GLYR1: variants seen among roughly 807,000 people sequenced by gnomAD.
GLYR1 encodes glyoxylate reductase 1 homolog.
In GLYR1, 21 loss-of-function variants were observed where a neutral mutation model predicts 72.7. That is an observed-to-expected ratio of 0.29 (90% confidence interval 0.20 to 0.42). The LOEUF (loss-of-function observed/expected upper bound fraction) is 0.42. Among genes scored for constraint, GLYR1 ranks in the 10% least tolerant of loss-of-function variants. The pLI is 1.00. For synonymous variants in GLYR1, 392 were observed against 270.2 expected, an observed-to-expected ratio of 1.45 and a Z score of -4.42; for missense variants, 594 against 712.1, an observed-to-expected ratio of 0.83 and a Z score of 1.89.
chr16:4,841,628 A>T (rs1309810416), intron 3 of GLYR1, among the ~76,000 whole-genome samples: 1 of 148,554 alleles, frequency 6.7e-6, no homozygotes, highest in Admixed American at 6.9e-5. Context: ...CCTTTCTCAA[A>T]AAAAAATCAA....
chr16:4,829,386 G>GC (rs1447554881), intron 5 of GLYR1, among the ~76,000 whole-genome samples: 1 of 150,072 alleles, frequency 6.7e-6, no homozygotes, highest in African/African-American at 2.5e-5. Flanking sequence ...GGTCACTACA[G>GC]CCTTGACCTC....
chr16:4,843,948 T>C (rs183702233), intron 3 of GLYR1: 2,047 of 182,436 alleles, frequency 0.011, 22 homozygotes, highest in Middle Eastern at 0.027. Flanking sequence ...CCGTCTCTAC[T>C]AAAAAATATA....
chr16:4,845,568 T>G (rs1379887328), intron 2 of GLYR1, among the ~76,000 whole-genome samples: 2 of 151,990 alleles, frequency 1.3e-5, no homozygotes, highest in Non-Finnish European at 2.9e-5. Flanking sequence ...ATACTTCCTG[T>G]GCAGGAAGGG....
chr16:4,838,823 G>A (rs953038947), intron 3 of GLYR1, among the ~76,000 whole-genome samples: 4 of 152,020 alleles, frequency 2.6e-5, no homozygotes, highest in Middle Eastern at 3.2e-3. Flanking sequence ...TCCTGACCTC[G>A]TGATCCGCCT....
At chr16:4,810,051 C>T (rs1256914186) in intron 15 of GLYR1, among the ~76,000 whole-genome samples, 1 of 151,946 alleles carries the variant, frequency 6.6e-6, no homozygotes, top group Non-Finnish European at 1.5e-5. Flanking sequence ...AACCCAAACA[C>T]TAGATAAACT....
Position 4,804,933 on chromosome 16 carries a change from CTGTGTGTGTGTG to C in GLYR1, c.*291_*302del, listed in dbSNP as rs143624351. ...GCAGCTTCTATCCTGGGGCGAGAGC[CTGTGTGTGTGTG>C]TGTGTGTGTGTGTGTGTGTGTGTGT... On this transcript the variant is annotated 3_prime_UTR_variant, in exon 16 of 16. Transcript: ENST00000321919. 8.3e-4 allele frequency: 247 copies of C among 297,488 alleles called. 1 individual carries two copies. The highest frequency in any genetic ancestry group is 1.5e-3 in the South Asian group (20 of 13,736). The allele number at this position is 297,488 out of a possible 1,614,324, so 18.4% of individuals were successfully genotyped here. A position where few individuals can be genotyped will look rare whatever the true frequency, so the allele number is the denominator to read the frequency against.
At position 4,804,932 on chromosome 16, in the gene GLYR1, C is replaced by CGTGTGTGTGTGTGTGTGTGTGTGTGT. The variant is rs1421648852; in HGVS notation, c.*303_*304insACACACACACACACACACACACACAC. On this transcript the variant is annotated 3_prime_UTR_variant, in exon 16 of 16. Transcript: ENST00000321919. ...GGCAGCTTCTATCCTGGGGCGAGAG[C>CGTGTGTGTGTGTGTGTGTGTGTGTGT]CTGTGTGTGTGTGTGTGTGTGTGTG... 3.1e-5 allele frequency: 9 copies of CGTGTGTGTGTGTGTGTGTGTGTGTGT among 291,812 alleles called. No homozygotes were observed. Among genetic ancestry groups the CGTGTGTGTGTGTGTGTGTGTGTGTGT allele is most frequent in the Non-Finnish European group, 3.8e-5 (6 of 157,858 alleles). 18.1% of individuals were successfully genotyped at this position (291,812 alleles called of 1,614,324 possible).
chr16:4,815,665 C>T (rs1465730463), intron 10 of GLYR1, among the ~76,000 whole-genome samples: 1 of 152,210 alleles, frequency 6.6e-6, no homozygotes, highest in African/African-American at 2.4e-5. Context: ...TAAAGATCAC[C>T]AGCAAGCTCT....
chr16:4,813,984 A>T (rs1015876019), intron 11 of GLYR1, 146 bp from the exon 12 acceptor site: 1 of 578,820 alleles, frequency 1.7e-6, no homozygotes, highest in African/African-American at 1.9e-5. Flanking sequence ...TGAAATAAGC[A>T]AGGGATAGAA....
At chr16:4,807,007 C>A (rs896647173) in intron 15 of GLYR1, among the ~76,000 whole-genome samples, 21 of 151,702 alleles carry the variant, frequency 1.4e-4, no homozygotes, top group African/African-American at 4.8e-4. Flanking sequence ...AGGGTTTCAC[C>A]CTGTTAGCCA....
In GLYR1 at chr16:4,835,659, C is replaced by G. The variant is rs151315224; in HGVS notation, c.156-2747G>C. ...CAGCCTGGCCAACATGGTGAAATCT[C>G]GTCTCTACTGAAAATATAAAAATTA... On this transcript the variant is annotated intron_variant, in intron 3 of 15. Coordinates refer to ENST00000321919, the MANE Select transcript of GLYR1 (RefSeq NM_032569.4). Among the ~76,000 whole-genome samples, 55 of 152,228 alleles carry G rather than the reference C, an allele frequency of 3.6e-4. No individual in the cohort carries two copies. In the East Asian group the frequency reaches 0.01, roughly 28 times the overall value.
At chr16:4,839,579 CGTGGGCAGTTTT>C (rs1444424232) in intron 3 of GLYR1, 6 of 152,090 alleles carry the variant, frequency 3.9e-5, no homozygotes, top group African/African-American at 1.4e-4. Flanking sequence ...ACAAAAATTA[CGTGGGCAGTTTT>C]GTCTTGGCCA....
At position 4,824,003 on chromosome 16, in the gene GLYR1, C is replaced by T. The variant is rs1596347729; in HGVS notation, c.538-96G>A. ...GTCTAAGGGAAAGTTCAAGCCAATC[C>T]CCAACCACTGTTCTGATGACCGTCC... On this transcript the variant is annotated intron_variant, in intron 5 of 15. Transcript: ENST00000321919. The T allele has an allele frequency of 2.1e-5, 19 of 921,694 alleles. No individual in the cohort carries two copies. In the South Asian group the frequency reaches 2.1e-4, roughly 10 times the overall value. 57.1% of individuals were successfully genotyped at this position (921,694 alleles called of 1,614,324 possible). A position where few individuals can be genotyped will look rare whatever the true frequency, so the allele number is the denominator to read the frequency against.
chr16:4,818,907 T>C (rs1423814963), intron 9 of GLYR1, among the ~76,000 whole-genome samples: 1 of 152,062 alleles, frequency 6.6e-6, no homozygotes, highest in South Asian at 2.1e-4. Flanking sequence ...TTCCCAATCC[T>C]TGTGACAGAA....
At chr16:4,805,428 C>G (rs996652634) in intron 15 of GLYR1, 118 bp from the exon 16 acceptor site, 1 of 813,408 alleles carries the variant, frequency 1.2e-6, no homozygotes. Context: ...CCAGGCTGTC[C>G]GGTTAGGAAT....
intron 5 of GLYR1, among the ~76,000 whole-genome samples, chr16:4,830,263 C>T (rs1243066468): frequency 1.5e-5 from 2 of 136,864 alleles, no homozygotes; most frequent in African/African-American, 5.5e-5. Context: ...TCTTACTATG[C>T]TTCTCAGCCT....
Position 4,805,092 on chromosome 16 carries a change from T to G in GLYR1, c.*144A>C. 2 of 706,632 alleles carry G rather than the reference T, an allele frequency of 2.8e-6. No homozygotes were observed. Among genetic ancestry groups the G allele is most frequent in the Admixed American group, 4.1e-5 (2 of 48,296 alleles). 43.8% of individuals were successfully genotyped at this position (706,632 alleles called of 1,614,324 possible). A position where few individuals can be genotyped will look rare whatever the true frequency, so the allele number is the denominator to read the frequency against. On this transcript the variant is annotated 3_prime_UTR_variant, in exon 16 of 16. Transcript: ENST00000321919. ...AGGGGAAGGGTGCTGCTGTGTGCTG[T>G]GCTGATGGCAAGTCTCAAAGTCTGT...
intron 12 of GLYR1, among the ~76,000 whole-genome samples, chr16:4,812,495 A>T (rs1280966618): frequency 6.6e-6 from 1 of 151,328 alleles, no homozygotes; most frequent in Non-Finnish European, 1.5e-5. Context: ...ACTGACTTGG[A>T]ATTTTTTTTT....
chr16:4,833,819 C>G (rs7189374), intron 3 of GLYR1, among the ~76,000 whole-genome samples: 12,924 of 152,256 alleles, frequency 0.085, 574 homozygotes, highest in African/African-American at 0.1. Flanking sequence ...TCTGCTGCAG[C>G]TGGCTTTCTA....
Sources: gnomAD v4.1 joint callset for allele counts (sites outside exome capture counted in the v4.1 genomes callset) on GRCh38, gnomAD v4.1.1 for gene constraint, MANE v1.5 for transcripts, NCBI Gene and HGNC (gene_info 2026-07-23, HGNC 2026-07-21) for gene names.